The following USH2A variants were observed in gnomAD, a reference collection of about 807,000 sequenced individuals.
USH2A encodes Usher syndrome 2A (autosomal recessive, mild).
In USH2A, 443 loss-of-function variants were observed where a neutral mutation model predicts 538.9. The observed-to-expected ratio is 0.82, with a 90% confidence interval of 0.76 to 0.89. The LOEUF (loss-of-function observed/expected upper bound fraction) is 0.89. USH2A is among the 40% of genes least tolerant of loss of function. The probability of loss-of-function intolerance (pLI) is 0.00; values close to 1 mark genes in which losing one functional copy is unlikely to be tolerated. For missense variants in USH2A, 6,633 were observed against 6,324.8 expected (o/e 1.05, Z -1.65); for synonymous variants, 2,413 against 2,273.5 (o/e 1.06, Z -1.75).
chr1:215,874,786 G>C (rs1664717785), intron 43 of USH2A, among the ~76,000 whole-genome samples: 1 of 152,126 alleles, frequency 6.6e-6, no homozygotes, highest in East Asian at 1.9e-4. Context: ...TATTTATGCA[G>C]ACGTTAAGTT....
chr1:216,245,380 T>A (rs1011730548), intron 13 of USH2A, among the ~76,000 whole-genome samples: 1 of 151,820 alleles, frequency 6.6e-6, no homozygotes, highest in South Asian at 2.1e-4. Flanking sequence ...AATCGCTCTG[T>A]TGTGGCTGGT....
intron 40 of USH2A, among the ~76,000 whole-genome samples, chr1:215,891,368 A>C (rs1665206052): frequency 6.6e-6 from 1 of 152,142 alleles, no homozygotes; most frequent in Admixed American, 6.6e-5. Context: ...CAGCTTAATT[A>C]GCTCCTTTGG....
intron 69 of USH2A, among the ~76,000 whole-genome samples, chr1:215,636,962 T>C (rs1656513242): frequency 6.6e-6 from 1 of 152,042 alleles, no homozygotes; most frequent in Non-Finnish European, 1.5e-5. Context: ...CTCCTTTTTA[T>C]GAAGACCTCG....
intron 21 of USH2A, among the ~76,000 whole-genome samples, chr1:216,156,600 T>C (rs2033946964): frequency 6.6e-6 from 1 of 152,178 alleles, no homozygotes; most frequent in South Asian, 2.1e-4. Flanking sequence ...TTCTTTTTGC[T>C]TCCTTTCAGT....
At chr1:216,226,880 C>T (rs1292524556) in intron 14 of USH2A, among the ~76,000 whole-genome samples, 1 of 152,122 alleles carries the variant, frequency 6.6e-6, no homozygotes. Flanking sequence ...ATATGCAGGG[C>T]ACTGTCTTCT....
rs1384194798 is a variant in USH2A at position 216,073,159 on chromosome 1, G to C, written c.5714C>G (p.Ser1905Cys). 6.2e-7 allele frequency: 1 copy of C among 1,613,812 alleles called. No homozygotes were observed. Among genetic ancestry groups the C allele is most frequent in the Admixed American group, 1.7e-5 (1 of 59,920 alleles). Residue 1905 changes from serine to cysteine, a missense_variant, in exon 28 of 72, where the codon TCC becomes TGC. By Grantham distance (112) the Ser-to-Cys change is moderately radical. Coordinates refer to ENST00000307340, the MANE Select transcript of USH2A (RefSeq NM_206933.4). ...CTCTTTTCCCTGGTAAACCAGGATG[G>C]AGTCATTTCCCCTGCAGTTAACAGC... ...DSAVNCRGND[S>C]ILVYQGKEQS...
chr1:216,020,217 G>C (rs2102500483), intron 32 of USH2A, among the ~76,000 whole-genome samples: 1 of 152,186 alleles, frequency 6.6e-6, no homozygotes, highest in South Asian at 2.1e-4. Context: ...GGTTACTTTT[G>C]TGTGACAACT....
chr1:216,189,991 C>T (rs530516151), intron 20 of USH2A, among the ~76,000 whole-genome samples: 1 of 152,030 alleles, frequency 6.6e-6, no homozygotes, highest in East Asian at 1.9e-4. Context: ...TGGAGTCACT[C>T]TACCACTAAT....
chr1:215,635,836 G>A (rs1358733370), intron 69 of USH2A, among the ~76,000 whole-genome samples: 3 of 152,158 alleles, frequency 2.0e-5, no homozygotes, highest in African/African-American at 4.8e-5. Flanking sequence ...TTACAGGCAT[G>A]AGCCGCCGCA....
At chr1:215,861,085 A>C (rs762045024) in intron 44 of USH2A, among the ~76,000 whole-genome samples, 1 of 152,186 alleles carries the variant, frequency 6.6e-6, no homozygotes, top group South Asian at 2.1e-4. Flanking sequence ...CTTCTTGGGC[A>C]ATAATCCTTC....
At chr1:216,301,159 C>T (rs1324143356) in intron 9 of USH2A, among the ~76,000 whole-genome samples, 2 of 152,070 alleles carry the variant, frequency 1.3e-5, no homozygotes, top group Non-Finnish European at 2.9e-5. Flanking sequence ...TTTATTTATT[C>T]AGTCACTTAT....
chr1:215,832,713 T>G (rs978277294), intron 47 of USH2A, among the ~76,000 whole-genome samples: 5 of 151,908 alleles, frequency 3.3e-5, no homozygotes, highest in Non-Finnish European at 7.4e-5. Flanking sequence ...TATGCTCTTA[T>G]CACGTTATTA....
chr1:215,772,657 A>C (rs1340726152), intron 55 of USH2A, among the ~76,000 whole-genome samples: 1 of 152,248 alleles, frequency 6.6e-6, no homozygotes, highest in Non-Finnish European at 1.5e-5. Flanking sequence ...TACTCTATAA[A>C]GAACAGCTTG....
At chr1:215,993,708 A>G (rs1668065083) in intron 34 of USH2A, among the ~76,000 whole-genome samples, 1 of 152,354 alleles carries the variant, frequency 6.6e-6, no homozygotes, top group South Asian at 2.1e-4. Flanking sequence ...TAAATAAAAC[A>G]ATGTTTCTCA....
intron 36 of USH2A, among the ~76,000 whole-genome samples, chr1:215,967,612 T>C (rs1457989487): frequency 6.6e-6 from 1 of 152,134 alleles, no homozygotes; most frequent in Non-Finnish European, 1.5e-5. Context: ...AATAAGTATA[T>C]CTCCTAAGGG....
intron 41 of USH2A, among the ~76,000 whole-genome samples, chr1:215,882,324 T>C (rs116651502): frequency 0.023 from 3,454 of 152,320 alleles, 60 homozygotes; most frequent in Non-Finnish European, 0.037. Flanking sequence ...AGAAAGATCA[T>C]GTGGGAATAT....
intron 35 of USH2A, among the ~76,000 whole-genome samples, chr1:215,979,901 A>G (rs961747200): frequency 6.6e-6 from 1 of 152,160 alleles, no homozygotes; most frequent in Admixed American, 6.6e-5. Context: ...CAGTGTGAGG[A>G]TAAGAAGAAA....
chr1:216,249,053 C>T (rs1345378001), intron 12 of USH2A, among the ~76,000 whole-genome samples: 1 of 151,996 alleles, frequency 6.6e-6, no homozygotes, highest in Admixed American at 6.6e-5. Context: ...ATACAACATA[C>T]ACTTGTATTT....
At chr1:215,657,205 T>C (rs1382916844) in intron 64 of USH2A, among the ~76,000 whole-genome samples, 1 of 152,210 alleles carries the variant, frequency 6.6e-6, no homozygotes, top group Non-Finnish European at 1.5e-5. Flanking sequence ...AATAAAAAGA[T>C]ACAATCAAGG....
Sources: gnomAD v4.1 joint callset for allele counts (sites outside exome capture counted in the v4.1 genomes callset) on GRCh38, gnomAD v4.1.1 for gene constraint, MANE v1.5 for transcripts, NCBI Gene and HGNC (gene_info 2026-07-23, HGNC 2026-07-21) for gene names.